ZFP1: variants seen among roughly 807,000 people sequenced by gnomAD.
ZFP1 encodes the protein ZFP1 zinc finger protein.
In ZFP1, 32 loss-of-function variants were observed where a neutral mutation model predicts 38.5. The observed-to-expected ratio is 0.83, with a 90% CI of 0.63 to 1.12. ZFP1 has a LOEUF of 1.12. Among genes scored for constraint, ZFP1 ranks in the 50% most tolerant of loss-of-function variants. ZFP1 has a pLI of 0.00. For synonymous variants in ZFP1, 245 were observed against 168.8 expected, an observed-to-expected ratio of 1.45 and a Z score of -3.50; for missense variants, 616 against 480.8, an observed-to-expected ratio of 1.28 and a Z score of -2.63.
intron 3 of ZFP1, among the ~76,000 whole-genome samples, 181 bp from the exon 4 acceptor site, chr16:75,169,072 T>C (rs1455302307): frequency 6.6e-6 from 1 of 152,234 alleles, no homozygotes; most frequent in Non-Finnish European, 1.5e-5. Context: ...CCACAAGCTA[T>C]TACCTTTCTC....
the ZFP1 span, among the ~76,000 whole-genome samples, chr16:75,134,443 CA>C: frequency 6.6e-6 from 1 of 152,008 alleles, no homozygotes; most frequent in South Asian, 2.1e-4. Context: ...ATCCCATCCC[CA>C]AAAAACATTT....
intron 1 of ZFP1, among the ~76,000 whole-genome samples, chr16:75,150,239 C>G (rs1239584089): frequency 1.4e-5 from 2 of 144,660 alleles, no homozygotes; most frequent in Non-Finnish European, 3.0e-5. Context: ...GACAGAGTCT[C>G]GCTCTGTTGC....
chr16:75,152,720 G>A (rs2037269820), intron 1 of ZFP1, among the ~76,000 whole-genome samples, 189 bp from the exon 2 acceptor site: 1 of 152,214 alleles, frequency 6.6e-6, no homozygotes, highest in South Asian at 2.1e-4. Flanking sequence ...ATGGGTGTCT[G>A]ATAATGTTAG....
chr16:75,165,870 C>A lies in ZFP1; in HGVS notation c.16-900C>A, dbSNP rs144954000. On this transcript the variant is annotated intron_variant, in intron 2 of 3. Coordinates refer to ENST00000570010, the MANE Select transcript of ZFP1 (RefSeq NM_153688.4). ...GACTCCTGCTGCAAGTATATTAGAC[C>A]TTTTTAGCTTGTCCCACATATCTTT... 1.4e-3 allele frequency among the ~76,000 whole-genome samples: 215 copies of A among 152,206 alleles called. 1 individual carries two copies. Among genetic ancestry groups the A allele is most frequent in the Non-Finnish European group, 2.6e-3 (174 of 68,012 alleles).
At chr16:75,137,102 G>A in the ZFP1 span, among the ~76,000 whole-genome samples, 4 of 152,082 alleles carry the variant, frequency 2.6e-5, no homozygotes, top group African/African-American at 9.7e-5. Flanking sequence ...AGGACAAGGG[G>A]AAGGAAATAT....
At chr16:75,164,640 C>T (rs184139937) in intron 2 of ZFP1, among the ~76,000 whole-genome samples, 2 of 152,024 alleles carry the variant, frequency 1.3e-5, no homozygotes, top group African/African-American at 4.8e-5. Context: ...TCGGGGGTGT[C>T]AAACTCTGGC....
At chr16:75,161,632 C>T (rs895300418) in intron 2 of ZFP1, among the ~76,000 whole-genome samples, 1 of 150,376 alleles carries the variant, frequency 6.6e-6, no homozygotes, top group African/African-American at 2.4e-5. Context: ...CTGAAACTCA[C>T]AGGCTTTTCT....
chr16:75,123,455 G>GCA, the ZFP1 span, among the ~76,000 whole-genome samples: 1 of 87,292 alleles, frequency 1.1e-5, no homozygotes, highest in Non-Finnish European at 2.1e-5. Flanking sequence ...GTGTGTATAT[G>GCA]TATATATATA....
chr16:75,166,944 A>G (rs1225887176), intron 3 of ZFP1, 48 bp downstream of exon 3: 10 of 1,579,764 alleles, frequency 6.3e-6, no homozygotes, highest in Non-Finnish European at 7.7e-6. Flanking sequence ...AGAGGTATTT[A>G]TGTCCTGTCT....
chr16:75,141,470 G>T, the ZFP1 span, among the ~76,000 whole-genome samples: 2 of 151,950 alleles, frequency 1.3e-5, no homozygotes, highest in African/African-American at 4.8e-5. Flanking sequence ...CTCCCAAAGT[G>T]CTGGGATTAC....
At chr16:75,122,442 G>C in the ZFP1 span, among the ~76,000 whole-genome samples, 5 of 152,288 alleles carry the variant, frequency 3.3e-5, no homozygotes, top group African/African-American at 1.2e-4. Flanking sequence ...GTGAACTACT[G>C]ATTAGGACTG....
intron 2 of ZFP1, among the ~76,000 whole-genome samples, chr16:75,156,530 G>T (rs946202656): frequency 1.3e-5 from 2 of 152,172 alleles, no homozygotes; most frequent in African/African-American, 4.8e-5. Flanking sequence ...GAGCTGAATT[G>T]AATTTCCAGG....
At chr16:75,136,510 A>G in the ZFP1 span, among the ~76,000 whole-genome samples, 1 of 152,198 alleles carries the variant, frequency 6.6e-6, no homozygotes, top group East Asian at 1.9e-4. Context: ...ATGAATTACA[A>G]TTGAAGAATC....
chr16:75,138,324 C>G, the ZFP1 span, among the ~76,000 whole-genome samples: 1 of 152,146 alleles, frequency 6.6e-6, no homozygotes, highest in East Asian at 1.9e-4. Flanking sequence ...CGTGAGCCAC[C>G]GCGCACAGCC....
the ZFP1 span, chr16:75,119,599 G>C: frequency 6.6e-6 from 1 of 152,050 alleles, no homozygotes; most frequent in Non-Finnish European, 1.5e-5. Flanking sequence ...AACTGAATTG[G>C]GGTTTGTTTT....
At chr16:75,157,932 C>T (rs144690115) in intron 2 of ZFP1, among the ~76,000 whole-genome samples, 348 of 151,800 alleles carry the variant, frequency 2.3e-3, no homozygotes, top group African/African-American at 8.0e-3. Context: ...CAGGCGTGTA[C>T]CACCATGCTC....
intron 2 of ZFP1, among the ~76,000 whole-genome samples, chr16:75,160,235 CAG>C (rs2037695150): frequency 6.6e-6 from 1 of 152,152 alleles, no homozygotes; most frequent in African/African-American, 2.4e-5. Context: ...TTATAAAGAA[CAG>C]AAGTTTATTT....
At chr16:75,124,103 A>G in the ZFP1 span, among the ~76,000 whole-genome samples, 1 of 151,256 alleles carries the variant, frequency 6.6e-6, no homozygotes, top group South Asian at 2.1e-4. Flanking sequence ...CAAAAAAAGT[A>G]AAATACAAAT....
At chr16:75,165,198 T>G (rs2145566862) in intron 2 of ZFP1, among the ~76,000 whole-genome samples, 1 of 152,272 alleles carries the variant, frequency 6.6e-6, no homozygotes, top group African/African-American at 2.4e-5. Flanking sequence ...AGTCGGTTTG[T>G]TTTAGCAGAG....
Sources: gnomAD v4.1 joint callset for allele counts (sites outside exome capture counted in the v4.1 genomes callset) on GRCh38, gnomAD v4.1.1 for gene constraint, MANE v1.5 for transcripts, NCBI Gene and HGNC (gene_info 2026-07-23, HGNC 2026-07-21) for gene names.